Variants in OSBPL10 observed in about 807,000 individuals in gnomAD.
OSBPL10 encodes oxysterol binding protein like 10, also known as oxysterol-binding protein-related protein 10.
Under a neutral mutation model 81.7 loss-of-function variants are expected in OSBPL10, and 49 were observed. That is an observed-to-expected ratio of 0.60 (90% confidence interval 0.48 to 0.76). The LOEUF is 0.76. Ranked by LOEUF, OSBPL10 falls within the 30% of genes least tolerant of loss-of-function variation. The pLI is 0.00. For synonymous variants in OSBPL10, 419 were observed against 383.6 expected (o/e 1.09, Z -1.08); for missense variants, 923 against 987.8 (o/e 0.93, Z 0.88).
Position 32,017,774 on chromosome 3 carries a change from T to G in OSBPL10, n.298+28717A>C, listed in dbSNP as rs564249210. 8.5e-5 allele frequency among the ~76,000 whole-genome samples: 13 copies of G among 152,354 alleles called. No homozygotes were observed. The South Asian group carries it at 2.7e-3, about 32-fold the overall frequency. Reference sequence around the variant, plus strand: ...GCTGAAATAATTTGAATTAGGTCACTTTTAATTCTTTTGGCTTTAAGTTTC... The same window carrying G: ...GCTGAAATAATTTGAATTAGGTCACGTTTAATTCTTTTGGCTTTAAGTTTC... On this transcript the variant is annotated intron_variant and non_coding_transcript_variant, in intron 2 of 3. Transcript: ENST00000479173.
chr3:32,065,979 GAA>G lies in OSBPL10; in HGVS notation n.185+11415_185+11416del, dbSNP rs113085927. 1.6e-4 allele frequency among the ~76,000 whole-genome samples: 10 copies of G among 62,574 alleles called. 2 individuals are homozygous for G. The highest frequency in any genetic ancestry group is 1.1e-3 in the South Asian group (1 of 894). 41.1% of individuals were successfully genotyped at this position (62,574 alleles called of 152,430 possible). A position where few individuals can be genotyped will look rare whatever the true frequency, so the allele number is the denominator to read the frequency against. ...AGAAAGAAAGAAAGAAAGAAAGAAAGAAAGAAAGAAAGAAAGAAAGAAAGAAA... is the reference window on the plus strand; with the variant it reads ...AGAAAGAAAGAAAGAAAGAAAGAAAGAGAAAGAAAGAAAGAAAGAAAGAAA... On this transcript the variant is annotated intron_variant and non_coding_transcript_variant, in intron 1 of 3. Transcript: ENST00000479173.
intron 7 of OSBPL10, among the ~76,000 whole-genome samples, chr3:31,694,712 T>G (rs1695662517): frequency 6.6e-6 from 1 of 152,184 alleles, no homozygotes; most frequent in African/African-American, 2.4e-5. Flanking sequence ...CATAGAAAAT[T>G]ATCTCAGCAA....
intron 1 of OSBPL10, among the ~76,000 whole-genome samples, chr3:31,912,950 G>A (rs76762607): frequency 6.6e-6 from 1 of 152,158 alleles, no homozygotes; most frequent in African/African-American, 2.4e-5. Flanking sequence ...CAGCCTAGTT[G>A]TATTGTTAAG....
At chr3:31,882,835 ATC>A (rs1207282049) in intron 1 of OSBPL10, among the ~76,000 whole-genome samples, 1 of 152,230 alleles carries the variant, frequency 6.6e-6, no homozygotes, top group Non-Finnish European at 1.5e-5. Context: ...GGGGATCAGT[ATC>A]TGTTATAGCA....
At chr3:31,767,460 C>A (rs1373967570) in intron 4 of OSBPL10, among the ~76,000 whole-genome samples, 1 of 152,202 alleles carries the variant, frequency 6.6e-6, no homozygotes, top group Non-Finnish European at 1.5e-5. Context: ...GAATTCCTGT[C>A]AGGTTACATC....
Position 32,063,382 on chromosome 3 carries a change from G to A in OSBPL10, n.185+14014C>T, listed in dbSNP as rs1324799171. 3.2e-5 allele frequency among the ~76,000 whole-genome samples: 3 copies of A among 92,322 alleles called. 1 individual carries two copies. The highest frequency in any genetic ancestry group is 5.6e-5 in the African/African-American group (2 of 35,784). The allele number at this position is 92,322 out of a possible 152,430, so 60.6% of individuals were successfully genotyped here. On this transcript the variant is annotated intron_variant and non_coding_transcript_variant, in intron 1 of 3. Transcript: ENST00000479173. Reference sequence around the variant, plus strand: ...AGGAAGGCTTCTAGGTAGAAGTTCAGAGTTCAGCTTCTTGGCTCCACAGCT... The same window carrying A: ...AGGAAGGCTTCTAGGTAGAAGTTCAAAGTTCAGCTTCTTGGCTCCACAGCT...
intron 1 of OSBPL10, among the ~76,000 whole-genome samples, chr3:31,909,059 A>G (rs1161817544): frequency 1.3e-5 from 2 of 152,256 alleles, no homozygotes; most frequent in Non-Finnish European, 2.9e-5. Context: ...AGCATTCGTC[A>G]GAATTCTTAA....
At chr3:31,960,369 A>C (rs1698125505) in intron 1 of OSBPL10, 2 of 152,260 alleles carry the variant, frequency 1.3e-5, no homozygotes, top group African/African-American at 4.8e-5. Context: ...ATGTGAAATG[A>C]AACAAACCAG....
intron 8 of OSBPL10, among the ~76,000 whole-genome samples, chr3:31,679,010 A>G (rs1345124470): frequency 6.6e-6 from 1 of 151,964 alleles, no homozygotes; most frequent in Non-Finnish European, 1.5e-5. Context: ...CAGAGCCCCA[A>G]AATCAGATCC....
intron 7 of OSBPL10, among the ~76,000 whole-genome samples, chr3:31,688,104 G>C (rs551389592): frequency 6.6e-6 from 1 of 151,800 alleles, no homozygotes; most frequent in East Asian, 1.9e-4. Context: ...CGTAGGAGGC[G>C]TGGCTCCTGA....
At chr3:31,697,234 G>A (rs1383867101) in intron 7 of OSBPL10, among the ~76,000 whole-genome samples, 3 of 152,176 alleles carry the variant, frequency 2.0e-5, no homozygotes, top group Non-Finnish European at 4.4e-5. Context: ...CATGTGGGAA[G>A]AACACACGGA....
At chr3:31,980,878 C>T in intron 1 of OSBPL10, 21 bp downstream of exon 1, 7 of 1,547,832 alleles carry the variant, frequency 4.5e-6, no homozygotes, top group Admixed American at 2.0e-5. Context: ...CGCGCGGTGG[C>T]GCGGGCGGCT....
chr3:31,695,575 C>T (rs1695693052), intron 7 of OSBPL10, among the ~76,000 whole-genome samples: 1 of 152,186 alleles, frequency 6.6e-6, no homozygotes, highest in African/African-American at 2.4e-5. Flanking sequence ...CAGGCACTAA[C>T]CAAGAAAACC....
intron 1 of OSBPL10, among the ~76,000 whole-genome samples, chr3:31,898,730 A>G (rs1696136923): frequency 6.6e-6 from 1 of 152,140 alleles, no homozygotes; most frequent in African/African-American, 2.4e-5. Flanking sequence ...GATAATAAAA[A>G]TAATCCCACA....
At chr3:31,699,905 A>G (rs1211482511) in intron 7 of OSBPL10, among the ~76,000 whole-genome samples, 2 of 152,222 alleles carry the variant, frequency 1.3e-5, no homozygotes, top group East Asian at 3.8e-4. Flanking sequence ...CAGATACTCC[A>G]TTCTGGCTAA....
At chr3:31,992,322 A>G (rs1333724921) in intron 2 of OSBPL10, among the ~76,000 whole-genome samples, 1 of 152,204 alleles carries the variant, frequency 6.6e-6, no homozygotes, top group African/African-American at 2.4e-5. Context: ...TATTGCTACT[A>G]TAAAATATTA....
chr3:31,817,521 G>C (rs1699868422), intron 4 of OSBPL10, among the ~76,000 whole-genome samples: 1 of 149,244 alleles, frequency 6.7e-6, no homozygotes, highest in African/African-American at 2.5e-5. Context: ...AGGAGGCCCA[G>C]GGTCTGCAGC....
intron 1 of OSBPL10, among the ~76,000 whole-genome samples, chr3:31,959,122 T>C (rs146665478): frequency 5.3e-5 from 8 of 152,228 alleles, no homozygotes; most frequent in Admixed American, 2.6e-4. Context: ...CAAGCCAAGG[T>C]CCAGGCAAGA....
chr3:31,852,686 C>A (rs915914434), intron 3 of OSBPL10, among the ~76,000 whole-genome samples: 2 of 152,112 alleles, frequency 1.3e-5, no homozygotes, highest in South Asian at 4.1e-4. Flanking sequence ...TCAAGCAATC[C>A]TCCTGCCTCA....
Sources: allele counts gnomAD v4.1 joint callset (sites outside exome capture counted in the v4.1 genomes callset), GRCh38; gene constraint gnomAD v4.1.1; transcripts MANE v1.5; gene names NCBI Gene and HGNC (gene_info 2026-07-23, HGNC 2026-07-21).